The following STK3 variants were observed in gnomAD, a reference collection of about 807,000 sequenced individuals.
STK3 encodes serine/threonine kinase 3, also known as serine/threonine-protein kinase 3.
In STK3, 41 loss-of-function variants were observed where a neutral mutation model predicts 58.0. That is an observed-to-expected ratio of 0.71 (90% CI 0.55 to 0.92). STK3 has a LOEUF of 0.92. Ranked by LOEUF, STK3 falls within the 40% of genes least tolerant of loss-of-function variation. The pLI, the probability that STK3 is intolerant of heterozygous loss-of-function variation, is 0.00. For missense variants in STK3, 479 were observed against 602.7 expected (o/e 0.79, Z 2.15); for synonymous variants, 170 against 191.0 (o/e 0.89, Z 0.91).
rs996428454 is a variant in STK3, at chr8:98,455,922, GTTC to G, written c.1393_1395del (p.Glu465del). ...CTTTTCGCAGTGTATCTCTGACGAAGTTCTTCTATCTCCCGTTCCATCATGGGG... is the reference window on the plus strand; with the variant it reads ...CTTTTCGCAGTGTATCTCTGACGAAGTTCTATCTCCCGTTCCATCATGGGG... On this transcript the variant is annotated inframe_deletion, in exon 11 of 11. Coordinates refer to ENST00000419617, the MANE Select transcript of STK3 (RefSeq NM_006281.4). The G allele has an allele frequency of 6.2e-7, 1 of 1,613,416 alleles. No homozygotes were observed. Among genetic ancestry groups the G allele is most frequent in the African/African-American group, 1.3e-5 (1 of 74,890 alleles).
At chr8:98,590,407 G>A (rs918791402) in intron 7 of STK3, among the ~76,000 whole-genome samples, 3 of 152,154 alleles carry the variant, frequency 2.0e-5, no homozygotes, top group Non-Finnish European at 2.9e-5. Context: ...GTCTTCAGCC[G>A]CTAAGCCGAG....
At chr8:98,814,562 A>G (rs1329380945) in intron 1 of STK3, among the ~76,000 whole-genome samples, 1 of 152,036 alleles carries the variant, frequency 6.6e-6, no homozygotes, top group Non-Finnish European at 1.5e-5. Context: ...GCTGGAGTGC[A>G]GTGGTACAAT....
At chr8:98,646,726 C>T (rs1002879781) in intron 6 of STK3, among the ~76,000 whole-genome samples, 2 of 152,106 alleles carry the variant, frequency 1.3e-5, no homozygotes, top group Non-Finnish European at 2.9e-5. Context: ...CAGCTAACTT[C>T]ACTCTTCTTT....
chr8:98,704,613 C>G (rs981783361), intron 6 of STK3, among the ~76,000 whole-genome samples: 4 of 150,116 alleles, frequency 2.7e-5, no homozygotes, highest in African/African-American at 9.8e-5. Flanking sequence ...GTTTGCAATA[C>G]AGGTATATTT....
rs561858421 is a variant in STK3, at chr8:98,684,121, G to C, written c.684+22346C>G. Among the ~76,000 whole-genome samples, 456 of 152,218 alleles carry C rather than the reference G, an allele frequency of 3.0e-3. 1 individual carries two copies. Among genetic ancestry groups the C allele is most frequent in the Non-Finnish European group, 4.9e-3 (336 of 67,996 alleles). ...CATTACTGGGCTAGTATGCAGTATA[G>C]GGGAAAATGAAGAAGTAAAAAATAA... On this transcript the variant is annotated intron_variant, in intron 6 of 10. Coordinates refer to ENST00000419617, the MANE Select transcript of STK3 (RefSeq NM_006281.4).
intron 4 of STK3, 123 bp downstream of exon 4, chr8:98,749,153 C>G: frequency 1.5e-6 from 1 of 645,950 alleles, no homozygotes; most frequent in Non-Finnish European, 2.6e-6. Context: ...GATATCTTTA[C>G]ACCACTTAAA....
chr8:98,641,103 C>T (rs150543085), intron 6 of STK3, among the ~76,000 whole-genome samples: 1 of 152,032 alleles, frequency 6.6e-6, no homozygotes, highest in African/African-American at 2.4e-5. Flanking sequence ...ACAAATTTCC[C>T]AGCACTATAT....
At chr8:98,614,790 C>A (rs575812159) in intron 6 of STK3, among the ~76,000 whole-genome samples, 2 of 152,320 alleles carry the variant, frequency 1.3e-5, no homozygotes, top group South Asian at 2.1e-4. Context: ...ATATCCCACA[C>A]CTGGCTTGGA....
intron 1 of STK3, among the ~76,000 whole-genome samples, chr8:98,892,889 T>C (rs1838247424): frequency 6.6e-6 from 1 of 152,184 alleles, no homozygotes; most frequent in African/African-American, 2.4e-5. Context: ...TTAACAACGT[T>C]AGCAATTCAC....
At chr8:98,435,621 C>T (rs1818458659) in intron 2 of STK3, among the ~76,000 whole-genome samples, 1 of 151,966 alleles carries the variant, frequency 6.6e-6, no homozygotes, top group South Asian at 2.1e-4. Context: ...TGCAGGACTC[C>T]ATCAGTGACT....
At chr8:98,674,337 T>C (rs1219467953) in intron 6 of STK3, among the ~76,000 whole-genome samples, 3 of 152,110 alleles carry the variant, frequency 2.0e-5, no homozygotes, top group Non-Finnish European at 4.4e-5. Context: ...AAAAGACTCA[T>C]ACACATATTT....
At chr8:98,375,428 C>A (rs2130994317) in intron 2 of STK3, among the ~76,000 whole-genome samples, 1 of 152,232 alleles carries the variant, frequency 6.6e-6, no homozygotes, top group South Asian at 2.1e-4. Context: ...TATTTAAAAA[C>A]TGATCCTTTC....
intron 1 of STK3, chr8:98,905,398 G>T: frequency 2.4e-6 from 3 of 1,259,770 alleles, no homozygotes; most frequent in Non-Finnish European, 3.5e-6. Context: ...TGAAGCTCTT[G>T]GTTGGTACAA....
At chr8:98,544,031 G>A (rs1810497509) in intron 9 of STK3, among the ~76,000 whole-genome samples, 1 of 151,956 alleles carries the variant, frequency 6.6e-6, no homozygotes, top group Non-Finnish European at 1.5e-5. Flanking sequence ...TAGAACATAA[G>A]AGAGTGGCAG....
intron 10 of STK3, among the ~76,000 whole-genome samples, chr8:98,506,737 G>A (rs1443156449): frequency 3.3e-5 from 5 of 152,080 alleles, no homozygotes; most frequent in Non-Finnish European, 7.4e-5. Context: ...AAAGAAAATG[G>A]AGAAAGAACC....
At chr8:98,784,322 G>A (rs901172762) in intron 1 of STK3, among the ~76,000 whole-genome samples, 3 of 152,250 alleles carry the variant, frequency 2.0e-5, no homozygotes, top group Admixed American at 6.5e-5. Flanking sequence ...TCAGCAGTAG[G>A]TGCTGGGATT....
chr8:98,383,436 A>T (rs1264340453), intron 1 of STK3, among the ~76,000 whole-genome samples: 2 of 152,326 alleles, frequency 1.3e-5, no homozygotes, highest in African/African-American at 4.8e-5. Flanking sequence ...ATAGAATAGC[A>T]GGTGCATGTC....
At chr8:98,641,980 A>G (rs1820057275) in intron 6 of STK3, among the ~76,000 whole-genome samples, 1 of 152,218 alleles carries the variant, frequency 6.6e-6, no homozygotes, top group Non-Finnish European at 1.5e-5. Flanking sequence ...TTCAAGAGTT[A>G]ATGGAAAAGG....
At chr8:98,573,976 C>G (rs1813180977) in intron 8 of STK3, among the ~76,000 whole-genome samples, 1 of 152,064 alleles carries the variant, frequency 6.6e-6, no homozygotes, top group East Asian at 1.9e-4. Context: ...CTCATGATAA[C>G]TCACTCATTA....
Sources: gnomAD v4.1 joint callset for allele counts (sites outside exome capture counted in the v4.1 genomes callset) on GRCh38, gnomAD v4.1.1 for gene constraint, MANE v1.5 for transcripts, NCBI Gene and HGNC (gene_info 2026-07-23, HGNC 2026-07-21) for gene names.